MALRD1: variants seen among roughly 807,000 people sequenced by gnomAD.
The protein encoded by MALRD1 is MAM and LDL receptor class A domain containing 1, also known as MAM and LDL-receptor class A domain-containing protein 1.
Under a neutral mutation model 242.1 loss-of-function variants are expected in MALRD1, and 247 were observed. The ratio of observed to expected loss-of-function variants is 1.02; its 90% CI spans 0.92 to 1.13. The LOEUF (loss-of-function observed/expected upper bound fraction) is 1.13, where lower values mean the gene tolerates loss of function less well. Ranked by LOEUF, MALRD1 falls within the 50% of genes most tolerant of loss-of-function variation. MALRD1 has a pLI of 0.00. For synonymous variants in MALRD1, 995 were observed against 866.6 expected, an observed-to-expected ratio of 1.15 and a Z score of -2.60; for missense variants, 2,989 against 2,533.1, an observed-to-expected ratio of 1.18 and a Z score of -3.86.
At chr10:19,206,046 A>G (rs1022296324) in intron 17 of MALRD1, among the ~76,000 whole-genome samples, 3 of 149,858 alleles carry the variant, frequency 2.0e-5, no homozygotes, top group African/African-American at 7.3e-5. Flanking sequence ...TTTATTTTAT[A>G]AATTATTTAT....
chr10:19,661,807 T>G (rs1052789508), intron 36 of MALRD1, among the ~76,000 whole-genome samples: 2 of 152,060 alleles, frequency 1.3e-5, no homozygotes, highest in African/African-American at 4.8e-5. Flanking sequence ...GAATTTTTGT[T>G]TGGTAAAAAG....
chr10:19,614,873 T>C (rs1038922881), intron 35 of MALRD1, among the ~76,000 whole-genome samples: 1 of 152,022 alleles, frequency 6.6e-6, no homozygotes, highest in African/African-American at 2.4e-5. Context: ...AAAAGGCTTT[T>C]GCCTGCCATG....
Position 19,088,117 on chromosome 10 carries a change from A to C in MALRD1, c.529A>C (p.Asn177His), listed in dbSNP as rs994754923. The C allele has an allele frequency of 5.7e-6, 7 of 1,233,556 alleles. No homozygotes were observed. The highest frequency in any genetic ancestry group is 7.1e-6 in the Non-Finnish European group (7 of 987,894). The allele number at this position is 1,233,556 out of a possible 1,614,324, so 76.4% of individuals were successfully genotyped here. Residue 177 changes from asparagine to histidine, a missense_variant, in exon 4 of 40, where the codon AAC becomes CAC. By Grantham distance (68) the Asn-to-His change is moderately conservative. Coordinates refer to ENST00000454679, the MANE Select transcript of MALRD1 (RefSeq NM_001142308.3). ...AGGTCCTATTCAGCATTTATGGCAAAACACAGCTGCACTCCCAAATCAGTG... is the reference window on the plus strand; with the variant it reads ...AGGTCCTATTCAGCATTTATGGCAACACACAGCTGCACTCCCAAATCAGTG... ...CGGPIQHLWQ[N>H]TAALPNQWER...
chr10:19,463,888 G>A (rs7070228), intron 29 of MALRD1, among the ~76,000 whole-genome samples: 2 of 151,934 alleles, frequency 1.3e-5, no homozygotes, highest in South Asian at 2.1e-4. Flanking sequence ...ATTATTTTTT[G>A]ATTTTTTGAT....
chr10:19,168,513 C>T (rs914418072), intron 13 of MALRD1, among the ~76,000 whole-genome samples: 5 of 152,198 alleles, frequency 3.3e-5, no homozygotes, highest in African/African-American at 4.8e-5. Context: ...TTTCTGTCTA[C>T]AGCTGGAAGC....
chr10:19,246,995 T>C (rs1839085424), intron 18 of MALRD1, among the ~76,000 whole-genome samples: 1 of 152,070 alleles, frequency 6.6e-6, no homozygotes, highest in African/African-American at 2.4e-5. Flanking sequence ...AATCCCATTA[T>C]ACAAATGTGT....
chr10:19,345,211 A>T (rs1440730601), intron 24 of MALRD1, among the ~76,000 whole-genome samples: 1 of 140,404 alleles, frequency 7.1e-6, no homozygotes, highest in Non-Finnish European at 1.5e-5. Flanking sequence ...AGATCAAAAG[A>T]AAAATATGAT....
intron 38 of MALRD1, chr10:19,710,262 A>T (rs1023496017): frequency 6.6e-6 from 1 of 150,962 alleles, no homozygotes; most frequent in African/African-American, 2.4e-5. Context: ...TGTATTTACC[A>T]ATGTTACTAA....
chr10:19,121,041 G>A (rs1276164433), intron 5 of MALRD1, among the ~76,000 whole-genome samples: 4 of 121,424 alleles, frequency 3.3e-5, no homozygotes, highest in African/African-American at 1.3e-4. Context: ...ACTGTGCCCG[G>A]CCTTTTTTTT....
intron 7 of MALRD1, among the ~76,000 whole-genome samples, chr10:19,126,027 A>G (rs1837272222): frequency 6.6e-6 from 1 of 151,970 alleles, no homozygotes; most frequent in Non-Finnish European, 1.5e-5. Context: ...CGAAATAATA[A>G]TTTATCTGGT....
chr10:19,664,941 C>T (rs993678595), intron 36 of MALRD1, among the ~76,000 whole-genome samples: 1 of 151,876 alleles, frequency 6.6e-6, no homozygotes, highest in Non-Finnish European at 1.5e-5. Context: ...TAGGTTTAAA[C>T]CAAAGGCCAA....
chr10:19,603,513 GTAT>G (rs1838463782), intron 34 of MALRD1, among the ~76,000 whole-genome samples: 1 of 152,060 alleles, frequency 6.6e-6, no homozygotes, highest in Admixed American at 6.6e-5. Flanking sequence ...TAGATGTGTG[GTAT>G]TATTTCTGAG....
intron 7 of MALRD1, among the ~76,000 whole-genome samples, chr10:19,126,232 C>T (rs1019530827): frequency 5.9e-5 from 9 of 151,894 alleles, no homozygotes; most frequent in Non-Finnish European, 1.0e-4. Context: ...AATGAGTATA[C>T]GTTTAATTTT....
chr10:19,428,747 T>A (rs948929272), intron 28 of MALRD1, among the ~76,000 whole-genome samples: 2 of 152,164 alleles, frequency 1.3e-5, no homozygotes, highest in African/African-American at 4.8e-5. Flanking sequence ...CATACTGAAA[T>A]GTTTAAAGTT....
intron 13 of MALRD1, among the ~76,000 whole-genome samples, chr10:19,171,766 T>C (rs1200111033): frequency 7.3e-6 from 1 of 136,710 alleles, no homozygotes; most frequent in African/African-American, 2.7e-5. Context: ...TATATACACA[T>C]ATATTGATAT....
At chr10:19,216,941 G>A (rs1386436979) in intron 18 of MALRD1, among the ~76,000 whole-genome samples, 9 of 129,542 alleles carry the variant, frequency 6.9e-5, no homozygotes, top group African/African-American at 1.1e-4. Context: ...GCGAGACTCC[G>A]TCTCAAAAAA....
At chr10:19,432,696 T>G (rs1244877660) in intron 28 of MALRD1, among the ~76,000 whole-genome samples, 2 of 152,200 alleles carry the variant, frequency 1.3e-5, no homozygotes, top group African/African-American at 4.8e-5. Context: ...GCAAGTTGAT[T>G]CAACATGAAT....
intron 21 of MALRD1, among the ~76,000 whole-genome samples, chr10:19,300,773 G>T (rs1302805878): frequency 2.6e-5 from 4 of 151,918 alleles, no homozygotes; most frequent in African/African-American, 9.7e-5. Flanking sequence ...AGAAATCCTA[G>T]GAAATACTAT....
intron 11 of MALRD1, among the ~76,000 whole-genome samples, chr10:19,152,177 C>G (rs982308381): frequency 6.6e-6 from 1 of 152,106 alleles, no homozygotes; most frequent in Non-Finnish European, 1.5e-5. Flanking sequence ...CAGAAGTAAA[C>G]TCCTTGCCAT....
Sources: allele counts gnomAD v4.1 joint callset (sites outside exome capture counted in the v4.1 genomes callset), GRCh38; gene constraint gnomAD v4.1.1; transcripts MANE v1.5; gene names NCBI Gene and HGNC (gene_info 2026-07-23, HGNC 2026-07-21).